SYN3: variants seen among roughly 807,000 people sequenced by gnomAD.
SYN3 encodes the protein synapsin-3.
In SYN3, 35 loss-of-function variants were observed where a neutral mutation model predicts 65.8. The observed-to-expected ratio is 0.53, with a 90% CI of 0.41 to 0.70. SYN3 has a LOEUF of 0.70. SYN3 is among the 30% of genes least tolerant of loss of function. SYN3 has a pLI of 0.00. For synonymous variants in SYN3, 270 were observed against 292.9 expected, an observed-to-expected ratio of 0.92 and a Z score of 0.80; for missense variants, 680 against 749.0, an observed-to-expected ratio of 0.91 and a Z score of 1.08.
chr22:32,563,758 C>T (rs1251978422), intron 7 of SYN3, among the ~76,000 whole-genome samples: 1 of 152,152 alleles, frequency 6.6e-6, no homozygotes, highest in Non-Finnish European at 1.5e-5. Context: ...CAACCTCCGC[C>T]TCCCAGGTTC....
Position 33,006,775 on chromosome 22 carries a change from G to A in SYN3, c.-113C>T. ...GGTAGGACTTTAGCCAGAAGAGCCA[G>A]GGGGATTTTGCGCAACCAGCAGTCA... On this transcript the variant is annotated 5_prime_UTR_variant, in exon 2 of 14. Transcript: ENST00000358763. The A allele has an allele frequency of 2.7e-6, 3 of 1,121,970 alleles. No individual in the cohort carries two copies. Among genetic ancestry groups the A allele is most frequent in the East Asian group, 2.4e-5 (1 of 41,126 alleles). The allele number at this position is 1,121,970 out of a possible 1,614,324, so 69.5% of individuals were successfully genotyped here.
At chr22:32,636,704 T>G (rs1271248949) in intron 6 of SYN3, among the ~76,000 whole-genome samples, 1 of 152,158 alleles carries the variant, frequency 6.6e-6, no homozygotes, top group African/African-American at 2.4e-5. Context: ...TTCTTTGCCT[T>G]GGATATCTGA....
intron 6 of SYN3, among the ~76,000 whole-genome samples, chr22:32,696,433 C>A (rs2060737542): frequency 6.6e-6 from 1 of 152,174 alleles, no homozygotes; most frequent in Admixed American, 6.5e-5. Flanking sequence ...CATCTTAGCC[C>A]ATAGCCATTT....
At chr22:33,049,128 C>T (rs2054118304) in intron 1 of SYN3, among the ~76,000 whole-genome samples, 1 of 152,170 alleles carries the variant, frequency 6.6e-6, no homozygotes, top group African/African-American at 2.4e-5. Flanking sequence ...GATTTTCACA[C>T]CATACAATGG....
At chr22:32,667,513 G>A (rs968430885) in intron 6 of SYN3, among the ~76,000 whole-genome samples, 6 of 152,156 alleles carry the variant, frequency 3.9e-5, no homozygotes, top group South Asian at 4.1e-4. Context: ...TTGGCACACC[G>A]TCTTTGCGCA....
At chr22:33,006,079 CT>C (rs1166705514) in intron 2 of SYN3, among the ~76,000 whole-genome samples, 1 of 152,156 alleles carries the variant, frequency 6.6e-6, no homozygotes, top group Non-Finnish European at 1.5e-5. Flanking sequence ...AAAACATTTT[CT>C]AGTTTCCAGA....
rs1363430794 is a variant in SYN3, at chr22:32,801,354, G to C, written c.711+63561C>G. Among the ~76,000 whole-genome samples the C allele has an allele frequency of 6.6e-6, 1 of 152,216 alleles. No homozygotes were observed. Among genetic ancestry groups the C allele is most frequent in the African/African-American group, 2.4e-5 (1 of 41,458 alleles). ...CTGCTGGGGTGGGTGGGTGTTAGTT[G>C]GTTCTGGTTTGGGTCAGAGACACCC... On this transcript the variant is annotated intron_variant, in intron 6 of 13. Transcript: ENST00000358763. This position sits in a 1 kb window ranked among gnomAD's most constrained non-coding sequence, Gnocchi z 4.7.
chr22:32,527,967 G>C lies in SYN3; in HGVS notation c.1269C>G (p.Ala423=), dbSNP rs371596703. 12 of 1,591,990 alleles carry C rather than the reference G, an allele frequency of 7.5e-6. No individual in the cohort carries two copies. Among genetic ancestry groups the C allele is most frequent in the Non-Finnish European group, 9.4e-6 (11 of 1,168,182 alleles). The change falls in exon 12 of 14, where the codon GCC becomes GCG. Residue 423 remains alanine (A), a synonymous_variant. Coordinates refer to ENST00000358763, the MANE Select transcript of SYN3 (RefSeq NM_003490.4). ...QIKSAKSPGQ[A]QLGPQLGQPQ... ...GCTGGCCTAGCTGAGGCCCCAGCTGGGCTTGCCCTGGGGATTTCGCTGATT... is the reference window on the plus strand; with the variant it reads ...GCTGGCCTAGCTGAGGCCCCAGCTGCGCTTGCCCTGGGGATTTCGCTGATT...
At chr22:32,976,096 T>C (rs903562691) in intron 3 of SYN3, among the ~76,000 whole-genome samples, 1 of 152,208 alleles carries the variant, frequency 6.6e-6, no homozygotes, top group Non-Finnish European at 1.5e-5. Context: ...CATCTTTCCA[T>C]TCAGAAGACA....
chr22:32,579,263 T>C (rs1465697521), intron 7 of SYN3, among the ~76,000 whole-genome samples: 2 of 152,224 alleles, frequency 1.3e-5, no homozygotes, highest in African/African-American at 2.4e-5. Context: ...GTAAGAGCCA[T>C]GTCTTAGTCT....
intron 6 of SYN3, among the ~76,000 whole-genome samples, chr22:32,774,407 T>C (rs2045855801): frequency 6.6e-6 from 1 of 151,960 alleles, no homozygotes; most frequent in Non-Finnish European, 1.5e-5. Context: ...ATGCCCAGGA[T>C]TGCTAGCAAC....
Position 32,513,764 on chromosome 22 carries a change from T to TGG in SYN3, c.1669_1670dup (p.Ser558GlnfsTer14). ...TTTCAGCCTTGGCCTCGTCTTCACT[T>TGG]GGGGTCCCACGCTGGGAGGTGTCGG... On this transcript the variant is annotated frameshift_variant, in exon 14 of 14. Transcript: ENST00000358763. LOFTEE classifies it high-confidence loss of function. 1 of 1,614,160 alleles carries TGG rather than the reference T, an allele frequency of 6.2e-7. No homozygotes were observed. Among genetic ancestry groups the TGG allele is most frequent in the Non-Finnish European group, 8.5e-7 (1 of 1,180,036 alleles).
chr22:32,509,793 C>A lies in SYN3; in HGVS notation c.*3899G>T, dbSNP rs1418652941. ...CCGTGTTAGCCAGGATGGTCTCGATCTCCTGACCTAGTCATCCGCCCACCT... is the reference window on the plus strand; with the variant it reads ...CCGTGTTAGCCAGGATGGTCTCGATATCCTGACCTAGTCATCCGCCCACCT... On this transcript the variant is annotated 3_prime_UTR_variant, in exon 14 of 14. Transcript: ENST00000358763. Among the ~76,000 whole-genome samples, 2 of 152,118 alleles carry A rather than the reference C, an allele frequency of 1.3e-5. No individual in the cohort carries two copies. The highest frequency in any genetic ancestry group is 6.6e-5 in the Admixed American group (1 of 15,264).
chr22:32,836,919 A>C (rs563674643), intron 6 of SYN3, among the ~76,000 whole-genome samples: 13 of 152,320 alleles, frequency 8.5e-5, no homozygotes, highest in East Asian at 3.9e-4. Flanking sequence ...AACCACAAGA[A>C]AGTCTCCTGC....
chr22:32,728,149 C>A (rs2061222276), intron 6 of SYN3, among the ~76,000 whole-genome samples: 2 of 152,184 alleles, frequency 1.3e-5, no homozygotes, highest in South Asian at 4.1e-4. Context: ...AGAAGAAAAT[C>A]TAGGCAATAC....
chr22:32,946,134 C>A (rs746487377), intron 3 of SYN3, among the ~76,000 whole-genome samples: 6 of 152,142 alleles, frequency 3.9e-5, no homozygotes, highest in Non-Finnish European at 7.3e-5. Flanking sequence ...GACAGTGTGG[C>A]GATTCCTCAA....
intron 6 of SYN3, among the ~76,000 whole-genome samples, chr22:32,686,590 A>ATTTTTTT (rs149862418): frequency 1.4e-5 from 1 of 72,334 alleles, no homozygotes; most frequent in Non-Finnish European, 2.4e-5. Context: ...CTGCTCCTCC[A>ATTTTTTT]TTTTTTTTTT....
rs545239283 is a variant in SYN3 at position 32,871,426 on chromosome 22, G to A, written c.462-2301C>T. On this transcript the variant is annotated intron_variant, in intron 4 of 13. Coordinates refer to ENST00000358763, the MANE Select transcript of SYN3 (RefSeq NM_003490.4). Reference sequence around the variant, plus strand: ...GCAGGAAGCTCCTCATTGTCTTTACGGATTTGGAAATCTACCTCAAGATCC... The same window carrying A: ...GCAGGAAGCTCCTCATTGTCTTTACAGATTTGGAAATCTACCTCAAGATCC... Among the ~76,000 whole-genome samples, 6 of 152,102 alleles carry A rather than the reference G, an allele frequency of 3.9e-5. No homozygotes were observed. The South Asian group carries it at 6.2e-4, about 16-fold the overall frequency.
rs1036752631 is a variant in SYN3, at chr22:32,507,935, G to T, written c.*5757C>A. 6.6e-6 allele frequency among the ~76,000 whole-genome samples: 1 copy of T among 151,402 alleles called. No homozygotes were observed. The highest frequency in any genetic ancestry group is 2.4e-5 in the African/African-American group (1 of 41,012). ...CTCTCCCACTCTAGGTTCCCACGCCGCCCCTAATCCCACTCGAAGCAGCCC... is the reference window on the plus strand; with the variant it reads ...CTCTCCCACTCTAGGTTCCCACGCCTCCCCTAATCCCACTCGAAGCAGCCC... On this transcript the variant is annotated 3_prime_UTR_variant, in exon 14 of 14. Coordinates refer to ENST00000358763, the MANE Select transcript of SYN3 (RefSeq NM_003490.4).
Sources: gnomAD v4.1 joint callset for allele counts (sites outside exome capture counted in the v4.1 genomes callset) on GRCh38, gnomAD v4.1.1 for gene constraint, Gnocchi (gnomAD v3.1) non-coding constraint, MANE v1.5 for transcripts, NCBI Gene and HGNC (gene_info 2026-07-23, HGNC 2026-07-21) for gene names.